The following RAD51 variants were observed in gnomAD, a reference collection of about 807,000 sequenced individuals.
The protein encoded by RAD51 is RAD51 recombinase.
A neutral mutation model predicts 41.5 loss-of-function variants in RAD51; 14 were observed. That is an observed-to-expected ratio of 0.34 (90% CI 0.22 to 0.53). The LOEUF (loss-of-function observed/expected upper bound fraction) is 0.53, where lower values mean the gene tolerates loss of function less well. RAD51 is among the 20% of genes least tolerant of loss of function. The pLI is 0.95. For synonymous variants in RAD51, 136 were observed against 148.6 expected, an observed-to-expected ratio of 0.92 and a Z score of 0.62; for missense variants, 234 against 422.0, an observed-to-expected ratio of 0.55 and a Z score of 3.90.
intron 5 of RAD51, among the ~76,000 whole-genome samples, chr15:40,715,972 CTTT>C (rs1435931614): frequency 6.6e-6 from 1 of 152,192 alleles, no homozygotes; most frequent in East Asian, 1.9e-4. Flanking sequence ...GCATGACCCT[CTTT>C]TGTTGTATAT....
chr15:40,728,500 G>C (rs192872330), intron 6 of RAD51, among the ~76,000 whole-genome samples: 193 of 152,016 alleles, frequency 1.3e-3, no homozygotes, highest in African/African-American at 4.5e-3. Flanking sequence ...AGACTTGCCA[G>C]GTAGAGCTCC....
chr15:40,722,414 G>A (rs1293636886), intron 6 of RAD51, among the ~76,000 whole-genome samples: 12 of 145,650 alleles, frequency 8.2e-5, no homozygotes, highest in Admixed American at 3.4e-4. Context: ...ACTCTGGCTC[G>A]GGGAAAAAAA....
chr15:40,706,139 T>C, intron 3 of RAD51, 38 bp from the exon 4 acceptor site: 1 of 1,476,630 alleles, frequency 6.8e-7, no homozygotes, highest in South Asian at 1.1e-5. Flanking sequence ...TGGTAAGGAA[T>C]ATTATTTTGT....
intron 4 of RAD51, among the ~76,000 whole-genome samples, chr15:40,708,447 C>T (rs558739502): frequency 6.6e-6 from 1 of 151,934 alleles, no homozygotes; most frequent in Non-Finnish European, 1.5e-5. Context: ...AGGCTGGTCT[C>T]GAGCTCCTGA....
chr15:40,726,303 G>A (rs1282562994), intron 6 of RAD51, among the ~76,000 whole-genome samples: 5 of 148,380 alleles, frequency 3.4e-5, no homozygotes, highest in African/African-American at 1.0e-4. Context: ...CCAGGCTGGA[G>A]TACAGTGGCG....
intron 2 of RAD51, among the ~76,000 whole-genome samples, chr15:40,699,050 T>A (rs1894826803): frequency 6.6e-6 from 1 of 152,210 alleles, no homozygotes; most frequent in Non-Finnish European, 1.5e-5. Flanking sequence ...TGTCAACAAT[T>A]CTCTTCCTAC....
At chr15:40,712,006 A>G (rs888857799) in intron 5 of RAD51, among the ~76,000 whole-genome samples, 12 of 151,232 alleles carry the variant, frequency 7.9e-5, no homozygotes, top group Admixed American at 1.3e-4. Flanking sequence ...CAGGAGGCCA[A>G]GGTTGCCATG....
intron 5 of RAD51, among the ~76,000 whole-genome samples, chr15:40,713,246 T>G (rs910077654): frequency 3.6e-4 from 8 of 22,136 alleles, no homozygotes; most frequent in Non-Finnish European, 7.4e-4. Context: ...CTTATTTTCC[T>G]TTTTTTTTTT....
At chr15:40,712,782 C>T (rs1467676859) in intron 5 of RAD51, among the ~76,000 whole-genome samples, 4 of 151,740 alleles carry the variant, frequency 2.6e-5, no homozygotes, top group African/African-American at 9.7e-5. Flanking sequence ...ACAACTGAAA[C>T]AAAATCTGCC....
At chr15:40,699,349 G>A (rs755185693) in intron 2 of RAD51, among the ~76,000 whole-genome samples, 1 of 152,162 alleles carries the variant, frequency 6.6e-6, no homozygotes, top group Non-Finnish European at 1.5e-5. Context: ...CTCCATGTTG[G>A]TCAGGCTAGT....
chr15:40,704,363 C>CTTTT (rs1195606663), intron 3 of RAD51, among the ~76,000 whole-genome samples: 1 of 121,320 alleles, frequency 8.2e-6, no homozygotes, highest in Non-Finnish European at 1.7e-5. Flanking sequence ...CGCGCCAGGC[C>CTTTT]TTTTTTTTTT....
intron 1 of RAD51, among the ~76,000 whole-genome samples, chr15:40,698,358 T>C (rs1024038423): frequency 6.6e-6 from 1 of 151,914 alleles, no homozygotes; most frequent in Non-Finnish European, 1.5e-5. Context: ...CCTGCTAATA[T>C]TTGTATTTTT....
chr15:40,729,484 G>A, intron 7 of RAD51, 21 bp from the exon 8 acceptor site: 1 of 1,610,738 alleles, frequency 6.2e-7, no homozygotes, highest in Non-Finnish European at 8.5e-7. Flanking sequence ...ATAGGCTTCA[G>A]AGAATCCTTG....
At chr15:40,719,258 C>A (rs2141858546) in intron 6 of RAD51, among the ~76,000 whole-genome samples, 1 of 151,874 alleles carries the variant, frequency 6.6e-6, no homozygotes, top group Admixed American at 6.6e-5. Context: ...GGGGTTTCAC[C>A]ATATTGGCCA....
chr15:40,720,388 G>C (rs1335416562), intron 6 of RAD51, among the ~76,000 whole-genome samples: 1 of 151,944 alleles, frequency 6.6e-6, no homozygotes, highest in African/African-American at 2.4e-5. Context: ...CGGCCTTAAT[G>C]GTGAAATTCT....
chr15:40,729,003 T>G (rs1221487354), intron 7 of RAD51, among the ~76,000 whole-genome samples, 179 bp downstream of exon 7: 1 of 152,196 alleles, frequency 6.6e-6, no homozygotes, highest in Admixed American at 6.5e-5. Context: ...AATGAAACCA[T>G]AATCTACTTG....
chr15:40,697,601 G>A (rs1455883112), intron 1 of RAD51, among the ~76,000 whole-genome samples: 3 of 116,122 alleles, frequency 2.6e-5, no homozygotes, highest in African/African-American at 3.6e-5. Context: ...TTTTTGAGAC[G>A]GAGTCTCACT....
intron 6 of RAD51, among the ~76,000 whole-genome samples, chr15:40,727,350 C>G (rs1157333019): frequency 6.6e-6 from 1 of 151,938 alleles, no homozygotes; most frequent in Non-Finnish European, 1.5e-5. Context: ...GCTCTGTCAC[C>G]CAGGATGGAG....
chr15:40,720,010 G>C (rs528732850), intron 6 of RAD51, among the ~76,000 whole-genome samples: 2 of 152,180 alleles, frequency 1.3e-5, no homozygotes, highest in South Asian at 2.1e-4. Context: ...ATAATAGTAA[G>C]GGACCAGTTT....
Sources: allele counts gnomAD v4.1 joint callset (sites outside exome capture counted in the v4.1 genomes callset), GRCh38; gene constraint gnomAD v4.1.1; transcripts MANE v1.5; gene names NCBI Gene and HGNC (gene_info 2026-07-23, HGNC 2026-07-21).